Variants in MEGF8 observed in about 807,000 individuals in gnomAD.
The protein encoded by MEGF8 is multiple EGF like domains 8, also known as multiple epidermal growth factor-like domains protein 8.
MEGF8 carries 156 observed loss-of-function variants against 302.9 expected under a neutral mutation model. The observed-to-expected ratio is 0.52, with a 90% CI of 0.45 to 0.59. The LOEUF (loss-of-function observed/expected upper bound fraction) is 0.59. Among genes scored for constraint, MEGF8 ranks in the 20% least tolerant of loss-of-function variants. The probability of loss-of-function intolerance (pLI) is 0.00; values close to 1 mark genes in which losing one functional copy is unlikely to be tolerated. For synonymous variants in MEGF8, 1,621 were observed against 1,660.5 expected, an observed-to-expected ratio of 0.98 and a Z score of 0.58; for missense variants, 3,345 against 3,964.5, an observed-to-expected ratio of 0.84 and a Z score of 4.20.
rs757739507 is a variant in MEGF8, at chr19:42,375,637, G to T, written c.7400G>T (p.Arg2467Leu). Residue 2467 changes from arginine to leucine, a missense_variant, in exon 42 of 42, where the codon CGC becomes CTC. Transcript: ENST00000251268. The surrounding 1 kb of genome is among the most constrained non-coding windows in gnomAD (Gnocchi z 7.1). Reference protein sequence around the residue: ...SQTNCFHEPKRRALGPGRTVL... With the variant: ...SQTNCFHEPKLRALGPGRTVL... The stretch of plus-strand genomic sequence containing the variant: ...ACCAACTGCTTCCATGAGCCCAAAC[G>T]CCGGGCGCTAGGCCCCGGCCGCACT... 4 of 1,608,866 alleles carry T rather than the reference G, an allele frequency of 2.5e-6. No individual in the cohort carries two copies. Among genetic ancestry groups the T allele is most frequent in the Non-Finnish European group, 3.4e-6 (4 of 1,178,210 alleles).
At chr19:42,334,268 T>C in intron 3 of MEGF8, 55 bp downstream of exon 3, 1 of 1,460,816 alleles carries the variant, frequency 6.8e-7, no homozygotes, top group Non-Finnish European at 9.2e-7. Flanking sequence ...GAGCGCAGCC[T>C]CCACGCCCAT....
Position 42,353,497 on chromosome 19 carries a change from C to T in MEGF8, c.3583C>T (p.Arg1195Trp), listed in dbSNP as rs1568567218. 1.9e-6 allele frequency: 3 copies of T among 1,610,888 alleles called. No individual in the cohort carries two copies. The highest frequency in any genetic ancestry group is 2.5e-6 in the Non-Finnish European group (3 of 1,179,318). The change falls in exon 21 of 42, where the codon CGG becomes TGG. Residue 1195 changes from arginine (R) to tryptophan (W), a missense_variant. Transcript: ENST00000251268. The surrounding 1 kb of genome is among the most constrained non-coding windows in gnomAD (Gnocchi z 6.1). ...WTWGEHCERC[R>W]PGSFGNATGS... ...ATGGGGGGAGCACTGCGAACGATGC[C>T]GGCCCGGCAGCTTCGGCAACGCCAC...
At position 42,362,384 on chromosome 19, in the gene MEGF8, G is replaced by A. The variant is rs1410318253; in HGVS notation, c.5845G>A (p.Ala1949Thr). The change falls in exon 34 of 42, where the codon GCG becomes ACG. Residue 1949 changes from alanine (A) to threonine (T), a missense_variant and splice_region_variant. Ala to Thr is a moderately conservative substitution (Grantham distance 58). Transcript: ENST00000251268. Reference protein sequence around the residue: ...PRTLQPGDGEASTPRCKWCTN... With the variant: ...PRTLQPGDGETSTPRCKWCTN... The stretch of plus-strand genomic sequence containing the variant: ...CATCTAGCCTGTCTTCCCTCACCAG[G>A]CGTCCACCCCCCGCTGTAAGTGGTG... 1 of 1,613,730 alleles carries A rather than the reference G, an allele frequency of 6.2e-7. No homozygotes were observed. The highest frequency in any genetic ancestry group is 8.5e-7 in the Non-Finnish European group (1 of 1,179,874).
rs761653309 is a variant in MEGF8, at chr19:42,336,070, C to A, written c.968C>A (p.Pro323Gln). The stretch of plus-strand genomic sequence containing the variant: ...AGGGGCCACTGGGAGCTCCTGGCAC[C>A]ACCTGCCTCCAGCTCCTCGGGGCCC... The part of the protein sequence containing the change: ...LGRGHWELLA[P>Q]PASSSSGPPG... The change falls in exon 6 of 42, where the codon CCA (proline) becomes CAA (glutamine). Residue 323 changes from proline to glutamine, a missense_variant. Coordinates refer to ENST00000251268, the MANE Select transcript of MEGF8 (RefSeq NM_001271938.2). This position sits in a 1 kb window ranked among gnomAD's most constrained non-coding sequence, Gnocchi z 4.8. 1.9e-6 allele frequency: 3 copies of A among 1,594,512 alleles called. No individual in the cohort carries two copies. The highest frequency in any genetic ancestry group is 2.6e-6 in the Non-Finnish European group (3 of 1,174,094).
rs1360457015 is a variant in MEGF8, at chr19:42,354,646, A to G, written c.4070A>G (p.Gln1357Arg). The G allele has an allele frequency of 6.2e-7, 1 of 1,612,720 alleles. No homozygotes were observed. The highest frequency in any genetic ancestry group is 8.5e-7 in the Non-Finnish European group (1 of 1,179,822). Residue 1357 changes from glutamine (Q) to arginine (R), a missense_variant, in exon 23 of 42, where the codon CAG (glutamine) becomes CGG (arginine). Physicochemically the swap from Gln to Arg is conservative, Grantham distance 43 (BLOSUM62 1). Transcript: ENST00000251268. This position sits in a 1 kb window ranked among gnomAD's most constrained non-coding sequence, Gnocchi z 4.3. Reference sequence around the variant, plus strand: ...CGCTTCCTGGACACTGGTGTTGTCCAGTCGGACCGCAGCCTCATAGCTGCC... The same window carrying G: ...CGCTTCCTGGACACTGGTGTTGTCCGGTCGGACCGCAGCCTCATAGCTGCC... ...FPRFLDTGVV[Q>R]SDRSLIAAFC... is the part of the protein sequence containing the mutation.
In MEGF8 at chr19:42,368,576, G is replaced by A. The variant is rs201140958; in HGVS notation, c.6395G>A (p.Arg2132Gln). Residue 2132 changes from arginine to glutamine, a missense_variant, in exon 36 of 42, where the codon CGG becomes CAG. Physicochemically the swap from Arg to Gln is conservative, Grantham distance 43. Transcript: ENST00000251268. This position sits in a 1 kb window ranked among gnomAD's most constrained non-coding sequence, Gnocchi z 4.9. ...AQATQCALCL[R>Q]RPHCGWCAWG... The stretch of plus-strand genomic sequence containing the variant: ...GCAACTCAGTGCGCCTTGTGCCTGC[G>A]GCGCCCCCATTGCGGCTGGTGTGCC... 3.0e-4 allele frequency: 478 copies of A among 1,586,596 alleles called. 1 individual carries two copies. In the East Asian group the frequency reaches 4.9e-3, roughly 16 times the overall value.
chr19:42,363,672 C>T lies in MEGF8; in HGVS notation c.6273+410C>T, dbSNP rs139591216. Among the ~76,000 whole-genome samples, 1,281 of 152,292 alleles carry T rather than the reference C, an allele frequency of 8.4e-3. 12 individuals carry two copies. Among genetic ancestry groups the T allele is most frequent in the South Asian group, 0.018 (85 of 4,828 alleles). ...TCAACCTCCCAAACCTTTTCTGCTTCCCTCCTCTCTCTCTTTCTCTCTCTA... is the reference window on the plus strand; with the variant it reads ...TCAACCTCCCAAACCTTTTCTGCTTTCCTCCTCTCTCTCTTTCTCTCTCTA... On this transcript the variant is annotated intron_variant, in intron 35 of 41. Coordinates refer to ENST00000251268, the MANE Select transcript of MEGF8 (RefSeq NM_001271938.2).
At position 42,376,061 on chromosome 19, in the gene MEGF8, G is replaced by A. The variant is rs2039765218; in HGVS notation, c.7824G>A (p.Lys2608=). The change falls in exon 42 of 42, where the codon AAG becomes AAA. Residue 2608 remains lysine (K), a synonymous_variant. Coordinates refer to ENST00000251268, the MANE Select transcript of MEGF8 (RefSeq NM_001271938.2). This position sits in a 1 kb window ranked among gnomAD's most constrained non-coding sequence, Gnocchi z 8.2. ...ITYPHEHHAL[K]SSRFYLLLLG... ...ACCCACACGAGCACCATGCCCTCAA[G>A]TCGAGCCGCTTCTACCTGCTGCTGC... is the stretch of plus-strand genomic sequence containing the variant. The A allele has an allele frequency of 6.2e-7, 1 of 1,604,630 alleles. No homozygotes were observed. Among genetic ancestry groups the A allele is most frequent in the Non-Finnish European group, 8.5e-7 (1 of 1,178,544 alleles).
chr19:42,350,179 G>A lies in MEGF8; in HGVS notation c.2531G>A (p.Arg844His), dbSNP rs1327415941. 7 of 1,613,084 alleles carry A rather than the reference G, an allele frequency of 4.3e-6. No homozygotes were observed. In the Admixed American group the frequency reaches 6.7e-5, roughly 15 times the overall value. ...TCCTTCTTCTTCCTGGAGCCCTACC[G>A]CTCGTCGTCCTGCACCTCCTATTCT... The part of the protein sequence containing the change: ...EISFFFLEPY[R>H]SSSCTSYSSC... The change falls in exon 15 of 42, where the codon CGC (arginine) becomes CAC (histidine). Residue 844 changes from arginine to histidine, a missense_variant. By Grantham distance (29) the Arg-to-His change is conservative. Transcript: ENST00000251268.
Position 42,369,517 on chromosome 19 carries a change from C to T in MEGF8, c.6642-14C>T, listed in dbSNP as rs747539435. 6.9e-6 allele frequency: 11 copies of T among 1,598,654 alleles called. No individual in the cohort carries two copies. Among genetic ancestry groups the T allele is most frequent in the Non-Finnish European group, 9.4e-6 (11 of 1,174,516 alleles). ...GGGTGGCCACCTGCCCTGACCCCCA[C>T]TTTGCCCCTGCAGCATGACAGGGCT... On this transcript the variant is annotated splice_polypyrimidine_tract_variant and intron_variant, in intron 37 of 41. Transcript: ENST00000251268. This position sits in a 1 kb window ranked among gnomAD's most constrained non-coding sequence, Gnocchi z 5.7.
chr19:42,327,432 G>A (rs2038999122), intron 1 of MEGF8, among the ~76,000 whole-genome samples: 1 of 152,182 alleles, frequency 6.6e-6, no homozygotes, highest in South Asian at 2.1e-4. Flanking sequence ...ATCTGGGGCC[G>A]GGGAGAACAG....
intron 1 of MEGF8, among the ~76,000 whole-genome samples, chr19:42,329,250 G>A (rs571199613): frequency 1.3e-5 from 2 of 152,302 alleles, no homozygotes; most frequent in African/African-American, 2.4e-5. Flanking sequence ...GGGTTGATGG[G>A]CAGCCACAGG....
chr19:42,335,880 T>G, intron 5 of MEGF8, 51 bp from the exon 6 acceptor site: 1 of 1,426,472 alleles, frequency 7.0e-7, no homozygotes, highest in South Asian at 1.5e-5. Context: ...TAAGCCTGGC[T>G]CTGGCTCTCT....
chr19:42,356,833 C>A lies in MEGF8; in HGVS notation c.4682C>A (p.Pro1561Gln). ...CTGGCGGGAGCCGAGGACGGGGGCC[C>A]AGGCCCATCGCCCCGCTCCTTCCAT... ...QMLAGAEDGG[P>Q]GPSPRSFHAA... The change falls in exon 27 of 42, where the codon CCA becomes CAA. Residue 1561 changes from proline (P) to glutamine (Q), a missense_variant. By Grantham distance (76) the Pro-to-Gln change is moderately conservative. Transcript: ENST00000251268. This position sits in a 1 kb window ranked among gnomAD's most constrained non-coding sequence, Gnocchi z 5.2. The A allele has an allele frequency of 6.4e-7, 1 of 1,563,168 alleles. No individual in the cohort carries two copies. The highest frequency in any genetic ancestry group is 8.7e-7 in the Non-Finnish European group (1 of 1,153,950).
At chr19:42,347,763 C>T (rs763901396) in intron 12 of MEGF8, among the ~76,000 whole-genome samples, 5 of 151,922 alleles carry the variant, frequency 3.3e-5, no homozygotes, top group African/African-American at 1.2e-4. Flanking sequence ...AAGTGCCCGC[C>T]GTGCCCAGCC....
At position 42,357,604 on chromosome 19, in the gene MEGF8, G is replaced by T. The variant is rs951194296; in HGVS notation, c.5011+20G>T. The T allele has an allele frequency of 6.4e-6, 10 of 1,570,734 alleles. No individual in the cohort carries two copies. In the African/African-American group the frequency reaches 1.4e-4, roughly 21 times the overall value. On this transcript the variant is annotated intron_variant, in intron 28 of 41. Transcript: ENST00000251268. The surrounding 1 kb of genome is among the most constrained non-coding windows in gnomAD (Gnocchi z 5.2). Reference sequence around the variant, plus strand: ...CCACAGGTGGGGCTGGGGACCGGGAGGGGACAGCCCCCGTGGACCTCCCGG... The same window carrying T: ...CCACAGGTGGGGCTGGGGACCGGGATGGGACAGCCCCCGTGGACCTCCCGG...
rs199625386 is a variant in MEGF8 at position 42,351,568 on chromosome 19, C to T, written c.2987+8C>T. Reference sequence around the variant, plus strand: ...TCGAGGCTGGGACGACAGGTATGGTCCCTGGGGCAGGGCTAACAGAGGAAG... The same window carrying T: ...TCGAGGCTGGGACGACAGGTATGGTTCCTGGGGCAGGGCTAACAGAGGAAG... On this transcript the variant is annotated splice_region_variant and intron_variant, in intron 17 of 41. Coordinates refer to ENST00000251268, the MANE Select transcript of MEGF8 (RefSeq NM_001271938.2). This position sits in a 1 kb window ranked among gnomAD's most constrained non-coding sequence, Gnocchi z 5.6. The T allele has an allele frequency of 5.0e-6, 8 of 1,607,686 alleles. No homozygotes were observed. The East Asian group carries it at 1.3e-4, about 27-fold the overall frequency.
chr19:42,366,093 A>G (rs2039601652), intron 35 of MEGF8, among the ~76,000 whole-genome samples: 1 of 151,992 alleles, frequency 6.6e-6, no homozygotes, highest in South Asian at 2.1e-4. Flanking sequence ...AGAAAAAAAA[A>G]GAAGTGTTGG....
In MEGF8 at chr19:42,356,885, T is replaced by C. The variant is rs2039460419; in HGVS notation, c.4734T>C (p.Arg1578=). 6.2e-7 allele frequency: 1 copy of C among 1,604,312 alleles called. No individual in the cohort carries two copies. Among genetic ancestry groups the C allele is most frequent in the Admixed American group, 1.7e-5 (1 of 58,704 alleles). Residue 1578 remains arginine, a synonymous_variant, in exon 27 of 42, where the codon CGT becomes CGC. Coordinates refer to ENST00000251268, the MANE Select transcript of MEGF8 (RefSeq NM_001271938.2). This position sits in a 1 kb window ranked among gnomAD's most constrained non-coding sequence, Gnocchi z 5.2. ...FHAAAYVPAG[R]GAMYLLGGLT... is the part of the protein sequence containing the mutation. ...CAGCCGCATATGTGCCCGCTGGCCG[T>C]GGTGCCATGTATCTGCTGGGGGGAC...
Sources: gnomAD v4.1 joint callset for allele counts (sites outside exome capture counted in the v4.1 genomes callset) on GRCh38, gnomAD v4.1.1 for gene constraint, Gnocchi (gnomAD v3.1) non-coding constraint, MANE v1.5 for transcripts, NCBI Gene and HGNC (gene_info 2026-07-23, HGNC 2026-07-21) for gene names.